METTL4: variants seen among roughly 807,000 people sequenced by gnomAD.
METTL4 encodes N(6)-adenine-specific methyltransferase METTL4.
In METTL4, 40 loss-of-function variants were observed where a neutral mutation model predicts 54.0. That is an observed-to-expected ratio of 0.74 (90% confidence interval 0.58 to 0.96). The LOEUF (loss-of-function observed/expected upper bound fraction) is 0.96, where lower values mean the gene tolerates loss of function less well. Ranked by LOEUF, METTL4 falls within the 50% of genes least tolerant of loss-of-function variation. METTL4 has a pLI of 0.00. For missense variants in METTL4, 525 were observed against 549.0 expected, an observed-to-expected ratio of 0.96 and a Z score of 0.44; for synonymous variants, 169 against 183.8, an observed-to-expected ratio of 0.92 and a Z score of 0.65.
At chr18:2,552,195 A>ATAAAATAAAATAAAC (rs2072172627) in intron 5 of METTL4, among the ~76,000 whole-genome samples, 1 of 152,092 alleles carries the variant, frequency 6.6e-6, no homozygotes, top group Admixed American at 6.5e-5. Flanking sequence ...CCATCTCAAA[A>ATAAAATAAAATAAAC]TAAAATAAAA....
chr18:2,544,184 T>TA lies in METTL4; in HGVS notation c.1273+10dup. On this transcript the variant is annotated intron_variant, in intron 8 of 8. Transcript: ENST00000574538. Reference sequence around the variant, plus strand: ...CAAAAGTGATAACAATTCTATTTTATAAAAACATACCAGCAAGCGGTGGCT... The same window carrying TA: ...CAAAAGTGATAACAATTCTATTTTATAAAAAACATACCAGCAAGCGGTGGCT... 6.3e-7 allele frequency: 1 copy of TA among 1,583,316 alleles called. No individual in the cohort carries two copies. Among genetic ancestry groups the TA allele is most frequent in the Non-Finnish European group, 8.6e-7 (1 of 1,165,516 alleles).
At chr18:2,545,070 C>A (rs569062043) in intron 6 of METTL4, among the ~76,000 whole-genome samples, 19 of 152,010 alleles carry the variant, frequency 1.2e-4, no homozygotes, top group African/African-American at 4.6e-4. Context: ...GCCTGAAATC[C>A]AAAGTGTATT....
intron 5 of METTL4, among the ~76,000 whole-genome samples, chr18:2,551,107 T>A (rs999225649): frequency 1.5e-5 from 2 of 130,854 alleles, no homozygotes; most frequent in Non-Finnish European, 3.1e-5. Flanking sequence ...GAGCTTGCAG[T>A]GAGCCGAGAT....
chr18:2,566,091 AAAATAAAC>A (rs2072413393), intron 2 of METTL4, among the ~76,000 whole-genome samples: 2 of 149,510 alleles, frequency 1.3e-5, no homozygotes, highest in Non-Finnish European at 3.0e-5. Context: ...ATAAATAAAT[AAAATAAAC>A]AAATAAATAA....
At position 2,567,087 on chromosome 18, in the gene METTL4, G is replaced by A; in HGVS notation, c.130C>T (p.His44Tyr). 6.2e-7 allele frequency: 1 copy of A among 1,614,164 alleles called. No homozygotes were observed. The highest frequency in any genetic ancestry group is 8.5e-7 in the Non-Finnish European group (1 of 1,180,028). The change falls in exon 2 of 9, where the codon CAC (histidine) becomes TAC (tyrosine). Residue 44 changes from histidine (H) to tyrosine (Y), a missense_variant. By Grantham distance (83) the His-to-Tyr change is moderately conservative. Transcript: ENST00000574538. ...CRKKEFTTSV[H>Y]FESLQMDSVS... ...GAATCCATTTGAAGAGACTCAAAGTGAACAGAAGTAGTGAACTCCTTTTTA... is the reference window on the plus strand; with the variant it reads ...GAATCCATTTGAAGAGACTCAAAGTAAACAGAAGTAGTGAACTCCTTTTTA...
chr18:2,539,473 A>ATTTC (rs1567950090), intron 8 of METTL4, among the ~76,000 whole-genome samples: 1 of 141,596 alleles, frequency 7.1e-6, no homozygotes, highest in South Asian at 2.4e-4. Context: ...TATTAACTTT[A>ATTTC]TTTATTTAAT....
chr18:2,545,339 A>G (rs2072055166), intron 6 of METTL4, among the ~76,000 whole-genome samples: 1 of 152,144 alleles, frequency 6.6e-6, no homozygotes, highest in East Asian at 1.9e-4. Flanking sequence ...TTACTAATGA[A>G]CTAATAAATG....
At position 2,547,437 on chromosome 18, in the gene METTL4, C is replaced by G; in HGVS notation, c.992G>C (p.Arg331Thr). Residue 331 changes from arginine (R) to threonine (T), a missense_variant, in exon 6 of 9, where the codon AGA (arginine) becomes ACA (threonine). Arg to Thr is a moderately conservative substitution (Grantham distance 71, BLOSUM62 -1). Coordinates refer to ENST00000574538, the MANE Select transcript of METTL4 (RefSeq NM_022840.5). ...NCLLVTWVTNRQKHLRFIKEE... is the reference protein window; with the variant it reads ...NCLLVTWVTNTQKHLRFIKEE... ...CTTTATAAAACGTAGGTGCTTCTGTCTATTGGTCACCCAAGTAACAAGAAG... is the reference window on the plus strand; with the variant it reads ...CTTTATAAAACGTAGGTGCTTCTGTGTATTGGTCACCCAAGTAACAAGAAG... 6.2e-7 allele frequency: 1 copy of G among 1,612,298 alleles called. No individual in the cohort carries two copies. Among genetic ancestry groups the G allele is most frequent in the Non-Finnish European group, 8.5e-7 (1 of 1,178,996 alleles).
At chr18:2,571,110 GC>G (rs1364403998) in intron 1 of METTL4, 38 bp downstream of exon 1, 1 of 152,352 alleles carries the variant, frequency 6.6e-6, no homozygotes, top group Non-Finnish European at 1.5e-5. Context: ...AATCCTGGGA[GC>G]CCATTCCACC....
Position 2,540,715 on chromosome 18 carries a change from T to C in METTL4, c.1274-1570A>G, listed in dbSNP as rs557556799. The stretch of plus-strand genomic sequence containing the variant: ...GAGTCTTGGAGGAAATAACCCCACA[T>C]GGAAGAACTTTTCCATTTTCTTCCC... On this transcript the variant is annotated intron_variant, in intron 8 of 8. Transcript: ENST00000574538. 24 of 985,448 alleles carry C rather than the reference T, an allele frequency of 2.4e-5. No homozygotes were observed. In the Admixed American group the frequency reaches 6.8e-4, roughly 28 times the overall value. 61.0% of individuals were successfully genotyped at this position (985,448 alleles called of 1,614,324 possible). A position where few individuals can be genotyped will look rare whatever the true frequency, so the allele number is the denominator to read the frequency against.
chr18:2,542,806 T>C (rs773844026), intron 8 of METTL4, among the ~76,000 whole-genome samples: 1 of 152,142 alleles, frequency 6.6e-6, no homozygotes, highest in Non-Finnish European at 1.5e-5. Context: ...GACATCTGTA[T>C]ATGTCTCAAA....
chr18:2,540,671 A>G, intron 8 of METTL4: 1 of 985,432 alleles, frequency 1.0e-6, no homozygotes, highest in South Asian at 4.7e-5. Context: ...ACTAACCTTG[A>G]AAGAGAAAGA....
intron 3 of METTL4, among the ~76,000 whole-genome samples, chr18:2,557,616 T>C (rs1019567975): frequency 6.6e-6 from 1 of 152,172 alleles, no homozygotes; most frequent in African/African-American, 2.4e-5. Flanking sequence ...ACTTAAAAGA[T>C]GAGAGTTCCC....
intron 4 of METTL4, chr18:2,553,930 G>A (rs1464891260): frequency 6.6e-6 from 1 of 152,134 alleles, no homozygotes; most frequent in Non-Finnish European, 1.5e-5. Context: ...TCAAGTGTAA[G>A]ATGGCTTGAT....
At chr18:2,556,654 T>C (rs908440735) in intron 3 of METTL4, among the ~76,000 whole-genome samples, 1 of 152,038 alleles carries the variant, frequency 6.6e-6, no homozygotes, top group Non-Finnish European at 1.5e-5. Flanking sequence ...AAAATGATAT[T>C]AAGGTATTTA....
In METTL4 at chr18:2,539,674, G is replaced by T. The variant is rs1199530907; in HGVS notation, c.1274-529C>A. On this transcript the variant is annotated intron_variant, in intron 8 of 8. Coordinates refer to ENST00000574538, the MANE Select transcript of METTL4 (RefSeq NM_022840.5). ...TTTTTTGTATTTTAGTAGAGATGGG[G>T]TTTCACCGTGTTCCCCAGGCTGGTC... The T allele has an allele frequency of 4.4e-5, 9 of 202,378 alleles. No homozygotes were observed. In the South Asian group the frequency reaches 8.7e-4, roughly 20 times the overall value. The allele number at this position is 202,378 out of a possible 1,614,324, so 12.5% of individuals were successfully genotyped here.
At chr18:2,551,607 G>A (rs2072161613) in intron 5 of METTL4, among the ~76,000 whole-genome samples, 1 of 151,952 alleles carries the variant, frequency 6.6e-6, no homozygotes, top group Non-Finnish European at 1.5e-5. Context: ...TTAGGCAGCA[G>A]GCACATCTGA....
Position 2,567,190 on chromosome 18 carries a change from A to G in METTL4, c.27T>C (p.Ala9=). 1 of 1,611,534 alleles carries G rather than the reference A, an allele frequency of 6.2e-7. No individual in the cohort carries two copies. The highest frequency in any genetic ancestry group is 8.5e-7 in the Non-Finnish European group (1 of 1,178,576). ...AAGAAAGATGATCCAGTAACCACCC[A>G]GCTGACAACTGGTGTACCACAGACA... The part of the protein sequence containing the change: MSVVHQLS[A]GWLLDHLSFI... The change falls in exon 2 of 9, where the codon GCT becomes GCC. Residue 9 remains alanine, a synonymous_variant. Transcript: ENST00000574538.
rs1391324194 is a variant in METTL4 at position 2,541,094 on chromosome 18, G to GTAGTAA, written c.1274-1950_1274-1949insTTACTA. Among the ~76,000 whole-genome samples the GTAGTAA allele has an allele frequency of 2.0e-5, 3 of 152,142 alleles. No individual in the cohort carries two copies. In the East Asian group the frequency reaches 5.8e-4, roughly 29 times the overall value. On this transcript the variant is annotated intron_variant, in intron 8 of 8. Coordinates refer to ENST00000574538, the MANE Select transcript of METTL4 (RefSeq NM_022840.5). ...TTCTCAATGTAGTAAGTTTTTGCAT[G>GTAGTAA]GTTCTTTTCCTTTCTAGTTAAGAAA...
Sources: gnomAD v4.1 joint callset for allele counts (sites outside exome capture counted in the v4.1 genomes callset) on GRCh38, gnomAD v4.1.1 for gene constraint, MANE v1.5 for transcripts, NCBI Gene and HGNC (gene_info 2026-07-23, HGNC 2026-07-21) for gene names.